The following GPRIN3 variants were observed in gnomAD, a reference collection of about 807,000 sequenced individuals.
The protein encoded by GPRIN3 is G protein-regulated inducer of neurite outgrowth 3.
In GPRIN3, 12 loss-of-function variants were observed where a neutral mutation model predicts 13.7. The observed-to-expected ratio is 0.87, with a 90% confidence interval of 0.56 to 1.42. The LOEUF is 1.42. Ranked by LOEUF, GPRIN3 falls within the 40% of genes most tolerant of loss-of-function variation. The probability of loss-of-function intolerance (pLI) is 0.00; values close to 1 mark genes in which losing one functional copy is unlikely to be tolerated. For synonymous variants in GPRIN3, 377 were observed against 372.7 expected (o/e 1.01, Z -0.13); for missense variants, 1,009 against 958.7 (o/e 1.05, Z -0.69).
intron 1 of GPRIN3, among the ~76,000 whole-genome samples, chr4:89,265,317 A>G (rs1019461123): frequency 6.6e-6 from 1 of 152,162 alleles, no homozygotes; most frequent in Non-Finnish European, 1.5e-5. Context: ...GTCATCTGCT[A>G]TGGAGACAGG....
intron 1 of GPRIN3, among the ~76,000 whole-genome samples, chr4:89,253,500 T>C (rs2149259269): frequency 6.6e-6 from 1 of 152,294 alleles, no homozygotes; most frequent in Non-Finnish European, 1.5e-5. Flanking sequence ...TCTCCTGTGT[T>C]GTAAGGCTGG....
chr4:89,270,790 G>C (rs545017911), intron 1 of GPRIN3, among the ~76,000 whole-genome samples: 10 of 151,516 alleles, frequency 6.6e-5, no homozygotes, highest in African/African-American at 2.4e-4. Flanking sequence ...GTACACATAG[G>C]AGAAACAATA....
chr4:89,248,526 G>A lies in GPRIN3; in HGVS notation c.1585C>T (p.Pro529Ser). 1 of 1,613,332 alleles carries A rather than the reference G, an allele frequency of 6.2e-7. No individual in the cohort carries two copies. Among genetic ancestry groups the A allele is most frequent in the Admixed American group, 1.7e-5 (1 of 59,984 alleles). ...TCCCTTGCATCTCCTTTATTAGTGG[G>A]ATCCAAGCTCCCAGAATGATCAGCT... ...SKADHSGSLD[P>S]TNKGDAREKK... Residue 529 changes from proline to serine, a missense_variant, in exon 2 of 2, where the codon CCC becomes TCC. Physicochemically the swap from Pro to Ser is moderately conservative, Grantham distance 74. Coordinates refer to ENST00000609438, the MANE Select transcript of GPRIN3 (RefSeq NM_198281.3).
Position 89,268,237 on chromosome 4 carries a change from A to G in GPRIN3, c.-123-18004T>C, listed in dbSNP as rs6825030. ...TGATCAACTATGAGGCTGTTTCCAT[A>G]CAAGAGATAGGAAAGAATCCATCAA... On this transcript the variant is annotated intron_variant, in intron 1 of 1. Transcript: ENST00000609438. Among the ~76,000 whole-genome samples, 203 of 152,348 alleles carry G rather than the reference A, an allele frequency of 1.3e-3. 1 individual carries two copies. The highest frequency in any genetic ancestry group is 4.7e-3 in the African/African-American group (195 of 41,580).
rs141265862 is a variant in GPRIN3, at chr4:89,248,709, T to C, written c.1402A>G (p.Ile468Val). Residue 468 changes from isoleucine to valine, a missense_variant, in exon 2 of 2, where the codon ATT (isoleucine) becomes GTT (valine). Physicochemically the swap from Ile to Val is conservative, Grantham distance 29. Transcript: ENST00000609438. ...TNSSSLKATA[I>V]DQISISACSQ... is the part of the protein sequence containing the mutation. ...CATGCACTGATAGAAATCTGGTCAA[T>C]GGCGGTAGCTTTCAGGGAGCTAGAA... 1.7e-5 allele frequency: 28 copies of C among 1,614,182 alleles called. No homozygotes were observed. Among genetic ancestry groups the C allele is most frequent in the Middle Eastern group, 1.6e-4 (1 of 6,062 alleles).
chr4:89,253,881 C>T (rs75161580), intron 1 of GPRIN3, among the ~76,000 whole-genome samples: 141 of 152,182 alleles, frequency 9.3e-4, no homozygotes, highest in African/African-American at 3.0e-3. Flanking sequence ...AGAGACTCGC[C>T]GAAGTTCTGA....
chr4:89,278,025 G>T (rs899951906), intron 1 of GPRIN3, among the ~76,000 whole-genome samples: 1 of 152,046 alleles, frequency 6.6e-6, no homozygotes, highest in African/African-American at 2.4e-5. Flanking sequence ...GTATCAGTTA[G>T]CTATTGCTGC....
At position 89,236,929 on chromosome 4, in the gene GPRIN3, AC is replaced by A. The variant is rs1722807630; in HGVS notation, c.*10850del. ...TTTGTTTTGGCTTTGGGCTAAAAAA[AC>A]ATAGATAACAAGCAAATGCTTTGGA... On this transcript the variant is annotated 3_prime_UTR_variant, in exon 2 of 2. Coordinates refer to ENST00000609438, the MANE Select transcript of GPRIN3 (RefSeq NM_198281.3). 6.6e-6 allele frequency: 1 copy of A among 152,200 alleles called. No individual in the cohort carries two copies. Among genetic ancestry groups the A allele is most frequent in the Non-Finnish European group, 1.5e-5 (1 of 68,040 alleles). 9.4% of individuals were successfully genotyped at this position (152,200 alleles called of 1,614,324 possible). A position where few individuals can be genotyped will look rare whatever the true frequency, so the allele number is the denominator to read the frequency against.
rs11306317 is a variant in GPRIN3, at chr4:89,282,594, A to ATTT, written c.-124+25018_-124+25020dup. On this transcript the variant is annotated intron_variant, in intron 1 of 1. Coordinates refer to ENST00000609438, the MANE Select transcript of GPRIN3 (RefSeq NM_198281.3). The stretch of plus-strand genomic sequence containing the variant: ...TTAAAACATATGTGATTTTTTTGCA[A>ATTT]TTTTTTTTTTTTTTTTTTTTTAGCT... Among the ~76,000 whole-genome samples the ATTT allele has an allele frequency of 5.6e-3, 765 of 135,602 alleles. 5 individuals are homozygous for ATTT. Among genetic ancestry groups the ATTT allele is most frequent in the Admixed American group, 9.6e-3 (130 of 13,522 alleles). 89.0% of individuals were successfully genotyped at this position (135,602 alleles called of 152,430 possible). A position where few individuals can be genotyped will look rare whatever the true frequency, so the allele number is the denominator to read the frequency against.
At chr4:89,277,879 C>T (rs1453575468) in intron 1 of GPRIN3, among the ~76,000 whole-genome samples, 3 of 152,172 alleles carry the variant, frequency 2.0e-5, no homozygotes, top group African/African-American at 7.2e-5. Context: ...ACAGCCTGTT[C>T]GTTTTCTTCC....
rs990201519 is a variant in GPRIN3, at chr4:89,240,843, C to T, written c.*6937G>A. On this transcript the variant is annotated 3_prime_UTR_variant, in exon 2 of 2. Transcript: ENST00000609438. Reference sequence around the variant, plus strand: ...GTATAAATAAAATGTATTATGTGTGCCTATATATGTGGATAAGCTATTTAC... The same window carrying T: ...GTATAAATAAAATGTATTATGTGTGTCTATATATGTGGATAAGCTATTTAC... 1 of 152,046 alleles carries T rather than the reference C, an allele frequency of 6.6e-6. No individual in the cohort carries two copies. Among genetic ancestry groups the T allele is most frequent in the African/African-American group, 2.4e-5 (1 of 41,388 alleles). The allele number at this position is 152,046 out of a possible 1,614,324, so 9.4% of individuals were successfully genotyped here.
At chr4:89,280,841 T>C (rs375314307) in intron 1 of GPRIN3, among the ~76,000 whole-genome samples, 2 of 152,124 alleles carry the variant, frequency 1.3e-5, no homozygotes, top group African/African-American at 2.4e-5. Flanking sequence ...AACCAAAAAA[T>C]GCCAAGGATT....
chr4:89,256,844 G>GA (rs1456583536), intron 1 of GPRIN3, among the ~76,000 whole-genome samples: 1 of 152,140 alleles, frequency 6.6e-6, no homozygotes, highest in Non-Finnish European at 1.5e-5. Context: ...AAAGAGTAAA[G>GA]AAAAAACATC....
intron 1 of GPRIN3, among the ~76,000 whole-genome samples, chr4:89,295,939 G>A (rs1307602718): frequency 6.6e-6 from 1 of 151,964 alleles, no homozygotes; most frequent in Non-Finnish European, 1.5e-5. Flanking sequence ...TGAAATTACA[G>A]GTTTGATGTA....
At chr4:89,292,735 G>T (rs1724609558) in intron 1 of GPRIN3, among the ~76,000 whole-genome samples, 1 of 152,162 alleles carries the variant, frequency 6.6e-6, no homozygotes, top group African/African-American at 2.4e-5. Context: ...AATTACACAT[G>T]CTTACAAGCA....
chr4:89,249,229 C>A lies in GPRIN3; in HGVS notation c.882G>T (p.Arg294Ser), dbSNP rs764113267. The A allele has an allele frequency of 6.2e-7, 1 of 1,614,116 alleles. No individual in the cohort carries two copies. The highest frequency in any genetic ancestry group is 8.5e-7 in the Non-Finnish European group (1 of 1,180,026). Residue 294 changes from arginine (R) to serine (S), a missense_variant, in exon 2 of 2, where the codon AGG (arginine) becomes AGT (serine). Physicochemically the swap from Arg to Ser is moderately radical, Grantham distance 110. Coordinates refer to ENST00000609438, the MANE Select transcript of GPRIN3 (RefSeq NM_198281.3). ...VPLPAQRQMS[R>S]FKEASTMTNQ... is the part of the protein sequence containing the mutation. ...TGGTCATCGTACTGGCTTCTTTGAA[C>A]CTTGACATCTGACGCTGTGCTGGCA...
Position 89,248,767 on chromosome 4 carries a change from T to C in GPRIN3, c.1344A>G (p.Glu448=). 1 of 1,614,206 alleles carries C rather than the reference T, an allele frequency of 6.2e-7. No homozygotes were observed. The change falls in exon 2 of 2, where the codon GAA becomes GAG. Residue 448 remains glutamate, a synonymous_variant. Coordinates refer to ENST00000609438, the MANE Select transcript of GPRIN3 (RefSeq NM_198281.3). ...CTGCGAGCTTTTTAGCAGTTGACTC[T>C]TCCCTCACTGGAGTCATTCCTGCTA... The part of the protein sequence containing the change: ...GRLAGMTPVR[E]ESTAKKLAGT...
At chr4:89,279,724 G>A (rs933726253) in intron 1 of GPRIN3, among the ~76,000 whole-genome samples, 1 of 152,132 alleles carries the variant, frequency 6.6e-6, no homozygotes, top group Non-Finnish European at 1.5e-5. Context: ...TCTTATCTGC[G>A]CTAGGCTCTT....
chr4:89,272,676 A>T (rs1199218923), intron 1 of GPRIN3, among the ~76,000 whole-genome samples: 1 of 152,130 alleles, frequency 6.6e-6, no homozygotes, highest in Non-Finnish European at 1.5e-5. Context: ...ACACCAGTGG[A>T]TTTCATGCTT....
Sources: allele counts gnomAD v4.1 joint callset (sites outside exome capture counted in the v4.1 genomes callset), GRCh38; gene constraint gnomAD v4.1.1; transcripts MANE v1.5; gene names NCBI Gene and HGNC (gene_info 2026-07-23, HGNC 2026-07-21).